HYDIN: variants seen among roughly 807,000 people sequenced by gnomAD.
HYDIN encodes the protein axonemal central pair apparatus protein HYDIN.
A neutral mutation model predicts 403.9 loss-of-function variants in HYDIN; 132 were observed. That is an observed-to-expected ratio of 0.33 (90% CI 0.28 to 0.38). The LOEUF is 0.38. HYDIN is among the 10% of genes least tolerant of loss of function. HYDIN has a pLI of 1.00. For missense variants in HYDIN, 2,827 were observed against 5,009.5 expected (o/e 0.56, Z 13.15); for synonymous variants, 1,202 against 1,891.7 (o/e 0.64, Z 9.46).
At chr16:70,809,344 C>A (rs571814382) in intron 85 of HYDIN, among the ~76,000 whole-genome samples, 2 of 152,182 alleles carry the variant, frequency 1.3e-5, no homozygotes, top group Non-Finnish European at 2.9e-5. Context: ...TTATAGCAAT[C>A]CTGCAAGGTT....
At chr16:70,813,880 G>A (rs2035664642) in intron 84 of HYDIN, among the ~76,000 whole-genome samples, 1 of 151,930 alleles carries the variant, frequency 6.6e-6, no homozygotes, top group Admixed American at 6.6e-5. Flanking sequence ...CTTACTCTAA[G>A]TAGGTAGTAA....
intron 40 of HYDIN, among the ~76,000 whole-genome samples, chr16:70,954,693 T>C (rs1416538055): frequency 6.6e-6 from 1 of 152,196 alleles, no homozygotes; most frequent in East Asian, 1.9e-4. Flanking sequence ...CCAGGCCCAT[T>C]TGTCTGCAGC....
chr16:71,167,054 G>A lies in HYDIN; in HGVS notation c.517-4324C>T, dbSNP rs1181775487. On this transcript the variant is annotated intron_variant, in intron 5 of 85. Coordinates refer to ENST00000393567, the MANE Select transcript of HYDIN (RefSeq NM_001270974.2). Reference sequence around the variant, plus strand: ...CACCCCAGCCTGGGCGACAGAGTGAGACTCTGTCTCAAAAAAATTAATAAA... The same window carrying A: ...CACCCCAGCCTGGGCGACAGAGTGAAACTCTGTCTCAAAAAAATTAATAAA... Among the ~76,000 whole-genome samples the A allele has an allele frequency of 1.7e-4, 25 of 146,668 alleles. No homozygotes were observed. In the East Asian group the frequency reaches 5.1e-3, roughly 30 times the overall value.
At chr16:70,984,049 T>C (rs886368725) in intron 28 of HYDIN, among the ~76,000 whole-genome samples, 3 of 152,252 alleles carry the variant, frequency 2.0e-5, no homozygotes, top group African/African-American at 7.2e-5. Context: ...AGTCACAAAG[T>C]TAGAGAAACA....
chr16:70,871,772 A>T (rs1344686663), intron 65 of HYDIN, among the ~76,000 whole-genome samples: 1 of 125,516 alleles, frequency 8.0e-6, no homozygotes, highest in Non-Finnish European at 1.7e-5. Flanking sequence ...ACCTGTATTC[A>T]TCTATACAGG....
intron 46 of HYDIN, among the ~76,000 whole-genome samples, chr16:70,919,561 C>T (rs2076936037): frequency 6.6e-6 from 1 of 152,086 alleles, no homozygotes; most frequent in Non-Finnish European, 1.5e-5. Context: ...CTCCCAGGCT[C>T]TAGTCTCTAC....
intron 1 of HYDIN, among the ~76,000 whole-genome samples, chr16:71,217,695 G>C (rs2144749344): frequency 6.6e-6 from 1 of 152,260 alleles, no homozygotes; most frequent in South Asian, 2.1e-4. Flanking sequence ...CTGCTTACTT[G>C]TGGGCACAAA....
chr16:70,893,662 G>A (rs1373697089), intron 55 of HYDIN: 1 of 151,926 alleles, frequency 6.6e-6, no homozygotes, highest in African/African-American at 2.4e-5. Flanking sequence ...GGGACTACAA[G>A]TGATATGACC....
At chr16:70,813,995 A>G (rs1420705650) in intron 84 of HYDIN, among the ~76,000 whole-genome samples, 1 of 151,468 alleles carries the variant, frequency 6.6e-6, no homozygotes, top group African/African-American at 2.4e-5. Context: ...TATTTCATAA[A>G]CGGCCCTGCA....
chr16:70,981,360 A>T (rs771514812), intron 29 of HYDIN, 31 bp downstream of exon 29: 2 of 1,582,856 alleles, frequency 1.3e-6, no homozygotes, highest in Non-Finnish European at 1.7e-6. Context: ...TTTTGTCCCC[A>T]GTGGGGAACT....
chr16:71,190,701 G>A (rs2087391755), intron 1 of HYDIN, among the ~76,000 whole-genome samples: 1 of 152,266 alleles, frequency 6.6e-6, no homozygotes, highest in South Asian at 2.1e-4. Flanking sequence ...CAATCAGGCT[G>A]ACAACACCGG....
intron 18 of HYDIN, among the ~76,000 whole-genome samples, chr16:71,033,700 A>C (rs903548820): frequency 1.3e-5 from 2 of 152,142 alleles, no homozygotes; most frequent in African/African-American, 4.8e-5. Flanking sequence ...CTTAGATGGT[A>C]GGTTGATAGG....
At position 70,807,237 on chromosome 16, in the gene HYDIN, T is replaced by C. The variant is rs1001518576; in HGVS notation, c.*343A>G. On this transcript the variant is annotated 3_prime_UTR_variant, in exon 86 of 86. Transcript: ENST00000393567. Reference sequence around the variant, plus strand: ...ACCCAGCGTCACGCATTGCTAAGTGTTGTAGAGTAGAAGGTCACTAGTGTG... The same window carrying C: ...ACCCAGCGTCACGCATTGCTAAGTGCTGTAGAGTAGAAGGTCACTAGTGTG... 2.5e-5 allele frequency: 6 copies of C among 238,278 alleles called. No homozygotes were observed. The highest frequency in any genetic ancestry group is 4.1e-5 in the Non-Finnish European group (5 of 122,882). 14.8% of individuals were successfully genotyped at this position (238,278 alleles called of 1,614,324 possible).
At chr16:71,189,525 T>C (rs1199336572) in intron 1 of HYDIN, among the ~76,000 whole-genome samples, 3 of 152,088 alleles carry the variant, frequency 2.0e-5, no homozygotes, top group African/African-American at 7.2e-5. Context: ...CTCAGCACTT[T>C]GGGAGGCCGA....
At chr16:70,868,883 G>C in intron 65 of HYDIN, 95 bp from the exon 66 acceptor site, 1 of 1,299,160 alleles carries the variant, frequency 7.7e-7, no homozygotes, top group East Asian at 2.6e-5. Context: ...AGGAGCCAAA[G>C]GTCTTGGCAA....
In HYDIN at chr16:71,089,656, C is replaced by T. The variant is rs577173508; in HGVS notation, c.1447-1132G>A. ...GTTAGAGATTATTGTCATCCCTGAC[C>T]TTGAGGAAGAGAGTAATTCTAGTGG... is the stretch of plus-strand genomic sequence containing the variant. On this transcript the variant is annotated intron_variant, in intron 11 of 85. Transcript: ENST00000393567. Among the ~76,000 whole-genome samples, 292 of 151,998 alleles carry T rather than the reference C, an allele frequency of 1.9e-3. 1 individual carries two copies. Among genetic ancestry groups the T allele is most frequent in the African/African-American group, 6.6e-3 (275 of 41,526 alleles).
At chr16:70,998,045 G>A (rs1330641178) in intron 23 of HYDIN, among the ~76,000 whole-genome samples, 2 of 152,162 alleles carry the variant, frequency 1.3e-5, no homozygotes, top group Admixed American at 6.6e-5. Context: ...TCAAAAATGT[G>A]ATGCAAACGG....
At chr16:71,046,871 C>T (rs995488174) in intron 18 of HYDIN, among the ~76,000 whole-genome samples, 1 of 152,012 alleles carries the variant, frequency 6.6e-6, no homozygotes, top group African/African-American at 2.4e-5. Context: ...CAGGAAGAGT[C>T]AATGCTTTAG....
Position 70,872,029 on chromosome 16 carries a change from T to C in HYDIN, c.11091+8A>G, listed in dbSNP as rs764499092. On this transcript the variant is annotated splice_region_variant and intron_variant, in intron 65 of 85. Coordinates refer to ENST00000393567, the MANE Select transcript of HYDIN (RefSeq NM_001270974.2). ...GATTCCAAAAAATGATGAATGACTT[T>C]TATTTACCTGTGGGGAGAAAGCAAT... 2 of 1,607,590 alleles carry C rather than the reference T, an allele frequency of 1.2e-6. No individual in the cohort carries two copies. Among genetic ancestry groups the C allele is most frequent in the African/African-American group, 1.3e-5 (1 of 74,578 alleles).
Sources: gnomAD v4.1 joint callset for allele counts (sites outside exome capture counted in the v4.1 genomes callset) on GRCh38, gnomAD v4.1.1 for gene constraint, MANE v1.5 for transcripts, NCBI Gene and HGNC (gene_info 2026-07-23, HGNC 2026-07-21) for gene names.